The following C16orf74 variants were observed in gnomAD, a reference collection of about 807,000 sequenced individuals.
C16orf74 encodes calcimembrin.
Under a neutral mutation model 6.5 loss-of-function variants are expected in C16orf74, and 10 were observed. That is an observed-to-expected ratio of 1.54 (90% confidence interval 0.95 to 2.61). The LOEUF is 2.61. C16orf74 is among the 30% of genes most tolerant of loss of function. The probability of loss-of-function intolerance (pLI) is 0.00; values close to 1 mark genes in which losing one functional copy is unlikely to be tolerated. For synonymous variants in C16orf74, 60 were observed against 42.5 expected (o/e 1.41, Z -1.60); for missense variants, 141 against 105.9 (o/e 1.33, Z -1.45).
At chr16:85,711,736 C>G (rs867920904) in intron 2 of C16orf74, among the ~76,000 whole-genome samples, 1 of 152,062 alleles carries the variant, frequency 6.6e-6, no homozygotes, top group Admixed American at 6.6e-5. Flanking sequence ...TTGCCCCAAA[C>G]GGTGCCAGGC....
At chr16:85,714,137 G>A (rs767739212) in intron 2 of C16orf74, among the ~76,000 whole-genome samples, 3 of 152,096 alleles carry the variant, frequency 2.0e-5, no homozygotes, top group Non-Finnish European at 4.4e-5. Flanking sequence ...ACAGACAAGC[G>A]CAAGGTGGTA....
At chr16:85,738,440 T>C (rs2054268336) in intron 1 of C16orf74, among the ~76,000 whole-genome samples, 1 of 150,014 alleles carries the variant, frequency 6.7e-6, no homozygotes, top group African/African-American at 2.5e-5. Flanking sequence ...TTCTCCTGCC[T>C]CAGCCTCCCG....
intron 2 of C16orf74, among the ~76,000 whole-genome samples, chr16:85,730,741 C>A (rs2054178954): frequency 6.6e-6 from 1 of 150,806 alleles, no homozygotes; most frequent in South Asian, 2.1e-4. Context: ...CCAAGTAAAG[C>A]CTCCAGCCCA....
chr16:85,739,203 G>A (rs1360448210), intron 1 of C16orf74, among the ~76,000 whole-genome samples: 2 of 152,140 alleles, frequency 1.3e-5, no homozygotes, highest in Admixed American at 1.3e-4. Flanking sequence ...CAGAGCCCCA[G>A]GGCCTCTGCT....
chr16:85,712,163 G>A (rs188162509), intron 2 of C16orf74, among the ~76,000 whole-genome samples: 22 of 152,274 alleles, frequency 1.4e-4, no homozygotes, highest in African/African-American at 5.3e-4. Flanking sequence ...CAGCCACAAG[G>A]GAGCCTCCTC....
chr16:85,743,310 T>C (rs1427820498), intron 1 of C16orf74: 1 of 152,212 alleles, frequency 6.6e-6, no homozygotes, highest in Non-Finnish European at 1.5e-5. Flanking sequence ...GTCATGACAA[T>C]ATCAGCTGAT....
At chr16:85,722,597 C>G (rs576729864) in intron 2 of C16orf74, among the ~76,000 whole-genome samples, 3 of 152,228 alleles carry the variant, frequency 2.0e-5, no homozygotes, top group Non-Finnish European at 4.4e-5. Context: ...GGGCCCAGGG[C>G]CCCAGGACTG....
chr16:85,715,780 A>G (rs947181914), intron 2 of C16orf74, among the ~76,000 whole-genome samples: 1 of 152,186 alleles, frequency 6.6e-6, no homozygotes, highest in Non-Finnish European at 1.5e-5. Context: ...TCTAGGACAC[A>G]CTGGCAATAG....
chr16:85,718,361 C>T (rs527866150), intron 2 of C16orf74, among the ~76,000 whole-genome samples: 116 of 152,342 alleles, frequency 7.6e-4, no homozygotes, highest in Non-Finnish European at 1.4e-3. Flanking sequence ...CCACCCCATA[C>T]GGCCTGATTC....
chr16:85,750,709 C>T (rs2054428092), intron 1 of C16orf74, among the ~76,000 whole-genome samples: 1 of 152,156 alleles, frequency 6.6e-6, no homozygotes, highest in Non-Finnish European at 1.5e-5. Flanking sequence ...CGGCCAGAGC[C>T]GGGCCAAGTT....
chr16:85,747,039 C>T (rs1200678658), intron 1 of C16orf74, among the ~76,000 whole-genome samples: 5 of 152,064 alleles, frequency 3.3e-5, no homozygotes, highest in Admixed American at 1.3e-4. Context: ...CAGCAGGAAG[C>T]GAAACAGGAT....
intron 2 of C16orf74, among the ~76,000 whole-genome samples, chr16:85,733,468 G>A (rs1278967469): frequency 6.6e-6 from 1 of 152,152 alleles, no homozygotes; most frequent in Non-Finnish European, 1.5e-5. Flanking sequence ...TCTGAAGACG[G>A]GTGGGGTGAT....
intron 2 of C16orf74, among the ~76,000 whole-genome samples, chr16:85,714,110 G>C (rs2053996008): frequency 6.6e-6 from 1 of 152,124 alleles, no homozygotes; most frequent in Non-Finnish European, 1.5e-5. Context: ...CTAACTCTTT[G>C]CAGCCTTCTT....
intron 1 of C16orf74, among the ~76,000 whole-genome samples, chr16:85,744,421 T>A (rs923851010): frequency 5.3e-5 from 8 of 151,984 alleles, no homozygotes; most frequent in African/African-American, 1.9e-4. Context: ...GTGAAAAACT[T>A]CCGTTTCATA....
intron 1 of C16orf74, among the ~76,000 whole-genome samples, chr16:85,737,419 C>T (rs1209138166): frequency 5.9e-5 from 9 of 152,180 alleles, no homozygotes; most frequent in East Asian, 1.9e-4. Context: ...CCTTTTCTTC[C>T]GGATTAGGTA....
intron 2 of C16orf74, among the ~76,000 whole-genome samples, chr16:85,721,879 C>T (rs2054086608): frequency 6.6e-6 from 1 of 151,124 alleles, no homozygotes; most frequent in Admixed American, 6.6e-5. Context: ...GTGGTCTGAA[C>T]AAGTTTCTTA....
At chr16:85,745,977 G>A (rs1329819684) in intron 1 of C16orf74, among the ~76,000 whole-genome samples, 2 of 152,324 alleles carry the variant, frequency 1.3e-5, no homozygotes, top group African/African-American at 4.8e-5. Flanking sequence ...AGAGAGAGAT[G>A]GCCAGGTAAA....
At chr16:85,719,558 C>T (rs1384759454) in intron 2 of C16orf74, among the ~76,000 whole-genome samples, 3 of 152,076 alleles carry the variant, frequency 2.0e-5, no homozygotes, top group Non-Finnish European at 4.4e-5. Context: ...AGCCTGTTTG[C>T]GCACAGCCTG....
At position 85,708,125 on chromosome 16, in the gene C16orf74, G is replaced by A. The variant is rs1005899399; in HGVS notation, c.173-59C>T. 32 of 1,419,362 alleles carry A rather than the reference G, an allele frequency of 2.3e-5. 1 individual carries two copies. Among genetic ancestry groups the A allele is most frequent in the Middle Eastern group, 1.8e-4 (1 of 5,710 alleles). The allele number at this position is 1,419,362 out of a possible 1,614,324, so 87.9% of individuals were successfully genotyped here. On this transcript the variant is annotated intron_variant, in intron 3 of 3. Transcript: ENST00000284245. ...CCCTGCCCCCACCACACCAAGCCCC[G>A]TTTCCCTGGGAACTGCAGGGCTGGG...
Sources: gnomAD v4.1 joint callset for allele counts (sites outside exome capture counted in the v4.1 genomes callset) on GRCh38, gnomAD v4.1.1 for gene constraint, MANE v1.5 for transcripts, NCBI Gene and HGNC (gene_info 2026-07-23, HGNC 2026-07-21) for gene names.